CMC1: variants seen among roughly 807,000 people sequenced by gnomAD.
The protein encoded by CMC1 is COX assembly mitochondrial protein homolog.
In CMC1, 14 loss-of-function variants were observed where a neutral mutation model predicts 14.1. The ratio of observed to expected loss-of-function variants is 0.99; its 90% confidence interval spans 0.66 to 1.55. The LOEUF (loss-of-function observed/expected upper bound fraction) is 1.55. Ranked by LOEUF, CMC1 falls within the 40% of genes most tolerant of loss-of-function variation. The probability of loss-of-function intolerance (pLI) is 0.00; values close to 1 mark genes in which losing one functional copy is unlikely to be tolerated. For missense variants in CMC1, 127 were observed against 123.8 expected, an observed-to-expected ratio of 1.03 and a Z score of -0.12; for synonymous variants, 50 against 38.4, an observed-to-expected ratio of 1.30 and a Z score of -1.12.
intron 1 of CMC1, among the ~76,000 whole-genome samples, chr3:28,248,912 C>CCTAA (rs1210141670): frequency 6.6e-6 from 1 of 151,640 alleles, no homozygotes; most frequent in Non-Finnish European, 1.5e-5. Context: ...GCCTCAGTCT[C>CCTAA]CTAAGTAGCT....
intron 2 of CMC1, among the ~76,000 whole-genome samples, chr3:28,289,606 T>C (rs1478808229): frequency 6.6e-6 from 1 of 152,082 alleles, no homozygotes; most frequent in Non-Finnish European, 1.5e-5. Context: ...AAGTCTGTGA[T>C]CTCAGAAACT....
intron 1 of CMC1, among the ~76,000 whole-genome samples, chr3:28,258,073 T>TATA (rs1576990267): frequency 1.4e-5 from 2 of 147,752 alleles, no homozygotes; most frequent in African/African-American, 4.9e-5. Flanking sequence ...TATATATATA[T>TATA]ATATATATAT....
At chr3:28,309,029 G>C (rs1207077108) in intron 2 of CMC1, among the ~76,000 whole-genome samples, 4 of 151,828 alleles carry the variant, frequency 2.6e-5, no homozygotes, top group African/African-American at 4.8e-5. Flanking sequence ...ACTAAAATTG[G>C]GTCTAGTGGA....
At chr3:28,241,833 G>A (rs1485699097) in intron 1 of CMC1, 21 bp downstream of exon 1, 2 of 1,237,344 alleles carry the variant, frequency 1.6e-6, no homozygotes, top group Non-Finnish European at 2.0e-6. Context: ...GGGAAGCGGG[G>A]TTTGCCGAGG....
At chr3:28,249,403 A>G (rs1315391027) in intron 1 of CMC1, among the ~76,000 whole-genome samples, 1 of 152,186 alleles carries the variant, frequency 6.6e-6, no homozygotes, top group East Asian at 1.9e-4. Context: ...TTTTAAATAT[A>G]CGTGTCATTT....
intron 2 of CMC1, among the ~76,000 whole-genome samples, chr3:28,311,072 C>T (rs956204055): frequency 6.6e-6 from 1 of 152,088 alleles, no homozygotes; most frequent in African/African-American, 2.4e-5. Context: ...TTGGGGGACC[C>T]CTGTTGTAAA....
intron 1 of CMC1, among the ~76,000 whole-genome samples, chr3:28,255,293 T>A (rs1208993242): frequency 1.3e-5 from 2 of 148,334 alleles, no homozygotes; most frequent in Non-Finnish European, 3.0e-5. Context: ...TAGGCTGGAG[T>A]GCAGTGGCAT....
rs1265139321 is a variant in CMC1 at position 28,274,206 on chromosome 3, G to GTTTTTTTTT, written c.109+10831_109+10832insTTTTTTTTT. On this transcript the variant is annotated intron_variant, in intron 2 of 3. Coordinates refer to ENST00000466830, the MANE Select transcript of CMC1 (RefSeq NM_182523.2). ...GTGTCATTGGTCTTTGTACTAAAGT[G>GTTTTTTTTT]TTTTTGTTTTTTTCTTTTTTTTTTT... 7.6e-4 allele frequency among the ~76,000 whole-genome samples: 63 copies of GTTTTTTTTT among 83,014 alleles called. 2 individuals carry two copies. The highest frequency in any genetic ancestry group is 1.8e-3 in the African/African-American group (43 of 23,472). 54.5% of individuals were successfully genotyped at this position (83,014 alleles called of 152,430 possible). A position where few individuals can be genotyped will look rare whatever the true frequency, so the allele number is the denominator to read the frequency against.
At chr3:28,272,883 C>A (rs1250319367) in intron 2 of CMC1, among the ~76,000 whole-genome samples, 1 of 152,014 alleles carries the variant, frequency 6.6e-6, no homozygotes, top group Non-Finnish European at 1.5e-5. Flanking sequence ...GATGGGGTTT[C>A]ACTATGTTGG....
intron 2 of CMC1, among the ~76,000 whole-genome samples, chr3:28,313,316 ATC>A (rs1350285370): frequency 1.3e-5 from 2 of 152,170 alleles, no homozygotes; most frequent in Non-Finnish European, 2.9e-5. Context: ...ACTTTTAACA[ATC>A]TCTCCGCATT....
intron 2 of CMC1, among the ~76,000 whole-genome samples, chr3:28,305,003 A>T (rs952278394): frequency 6.6e-5 from 10 of 152,162 alleles, no homozygotes; most frequent in Admixed American, 5.9e-4. Flanking sequence ...TGTATAATGC[A>T]GTGGTTTGGG....
chr3:28,263,691 T>C lies in CMC1; in HGVS notation c.109+311T>C, dbSNP rs113639075. 5.8e-3 allele frequency among the ~76,000 whole-genome samples: 885 copies of C among 152,220 alleles called. 6 individuals are homozygous for C. Among genetic ancestry groups the C allele is most frequent in the African/African-American group, 0.02 (837 of 41,558 alleles). ...AAACAAGTTACTCTTACGATTTTTA[T>C]AGGGGAGGAAGAAACATCAAATCTA... On this transcript the variant is annotated intron_variant, in intron 2 of 3. Coordinates refer to ENST00000466830, the MANE Select transcript of CMC1 (RefSeq NM_182523.2).
In CMC1 at chr3:28,323,123, T is replaced by TA. The variant is rs1312050235; in HGVS notation, c.*3495dup. 12 of 151,272 alleles carry TA rather than the reference T, an allele frequency of 7.9e-5. No homozygotes were observed. The East Asian group carries it at 2.3e-3, about 29-fold the overall frequency. 9.4% of individuals were successfully genotyped at this position (151,272 alleles called of 1,614,324 possible). On this transcript the variant is annotated 3_prime_UTR_variant, in exon 4 of 4. Coordinates refer to ENST00000466830, the MANE Select transcript of CMC1 (RefSeq NM_182523.2). ...ATCACTTTCTCAATAAATAGAATAT[T>TA]ACATTTCAACACAAAGTCTAACAAT...
intron 2 of CMC1, among the ~76,000 whole-genome samples, chr3:28,302,197 C>T (rs1228551401): frequency 2.0e-5 from 3 of 152,130 alleles, no homozygotes; most frequent in South Asian, 2.1e-4. Context: ...CCAACAGGTT[C>T]GTTTATTACT....
chr3:28,324,619 T>C lies in CMC1; in HGVS notation c.*4990T>C. The stretch of plus-strand genomic sequence containing the variant: ...ACTAGGAGATAAATGACAGATGATC[T>C]GAGTTTTAATCCTGGATCAGCAATT... On this transcript the variant is annotated 3_prime_UTR_variant, in exon 4 of 4. Transcript: ENST00000466830. The C allele has an allele frequency of 1.9e-6, 1 of 536,662 alleles. No individual in the cohort carries two copies. The highest frequency in any genetic ancestry group is 7.3e-5 in the South Asian group (1 of 13,720). 33.2% of individuals were successfully genotyped at this position (536,662 alleles called of 1,614,324 possible).
intron 2 of CMC1, among the ~76,000 whole-genome samples, chr3:28,287,771 C>A (rs906424447): frequency 8.6e-5 from 13 of 151,640 alleles, no homozygotes; most frequent in African/African-American, 2.9e-4. Flanking sequence ...TATTAATGGT[C>A]AGAATCTTTA....
At chr3:28,260,019 T>G (rs1051467241) in intron 1 of CMC1, among the ~76,000 whole-genome samples, 1 of 152,174 alleles carries the variant, frequency 6.6e-6, no homozygotes, top group Non-Finnish European at 1.5e-5. Context: ...GATTTTGTTT[T>G]TTATGAATGC....
chr3:28,256,761 G>A (rs1403162281), intron 1 of CMC1, among the ~76,000 whole-genome samples: 2 of 152,142 alleles, frequency 1.3e-5, no homozygotes, highest in Non-Finnish European at 2.9e-5. Flanking sequence ...AACAAAATTT[G>A]AGCATCCAAG....
intron 2 of CMC1, among the ~76,000 whole-genome samples, chr3:28,290,236 T>A (rs899445930): frequency 1.3e-5 from 2 of 152,084 alleles, no homozygotes; most frequent in African/African-American, 2.4e-5. Context: ...ATTTTGTCTT[T>A]AAAAATTTTT....
Sources: gnomAD v4.1 joint callset for allele counts (sites outside exome capture counted in the v4.1 genomes callset) on GRCh38, gnomAD v4.1.1 for gene constraint, MANE v1.5 for transcripts, NCBI Gene and HGNC (gene_info 2026-07-23, HGNC 2026-07-21) for gene names.